Variants in TMCO6 observed in about 807,000 individuals in gnomAD.
TMCO6 encodes the protein transmembrane and coiled-coil domains 6, also known as transmembrane and coiled-coil domain-containing protein 6.
Under a neutral mutation model 61.8 loss-of-function variants are expected in TMCO6, and 47 were observed. The ratio of observed to expected loss-of-function variants is 0.76; its 90% CI spans 0.60 to 0.97. The LOEUF is 0.97. Ranked by LOEUF, TMCO6 falls within the 50% of genes least tolerant of loss-of-function variation. The probability of loss-of-function intolerance (pLI) is 0.00; values close to 1 mark genes in which losing one functional copy is unlikely to be tolerated. For synonymous variants in TMCO6, 261 were observed against 254.2 expected, an observed-to-expected ratio of 1.03 and a Z score of -0.25; for missense variants, 557 against 601.6, an observed-to-expected ratio of 0.93 and a Z score of 0.78.
chr5:140,633,691 G>C, the TMCO6 span: 3 of 153,742 alleles, frequency 2.0e-5, no homozygotes, highest in East Asian at 5.7e-4. Context: ...GGCACCAAGG[G>C]GGGTAGAATT....
At chr5:140,608,475 G>A in the TMCO6 span, among the ~76,000 whole-genome samples, 1 of 152,190 alleles carries the variant, frequency 6.6e-6, no homozygotes, top group African/African-American at 2.4e-5. Flanking sequence ...ATTTGGTAAT[G>A]CCTTTTGATG....
the TMCO6 span, among the ~76,000 whole-genome samples, chr5:140,610,761 T>G: frequency 1.3e-5 from 2 of 152,198 alleles, no homozygotes; most frequent in Non-Finnish European, 2.9e-5. Context: ...AGTACAATGT[T>G]GAATAGAGGT....
At chr5:140,600,244 C>G in the TMCO6 span, among the ~76,000 whole-genome samples, 1 of 152,182 alleles carries the variant, frequency 6.6e-6, no homozygotes, top group Non-Finnish European at 1.5e-5. Flanking sequence ...TGGGAATTCT[C>G]TGGTCCAAAG....
At chr5:140,616,199 C>T in the TMCO6 span, among the ~76,000 whole-genome samples, 1 of 137,348 alleles carries the variant, frequency 7.3e-6, no homozygotes, top group Non-Finnish European at 1.6e-5. Context: ...GCAATAATTT[C>T]TTGGATATGG....
downstream of TMCO6, among the ~76,000 whole-genome samples, chr5:140,646,005 CTCTCT>C (rs1413533890): frequency 4.2e-5 from 6 of 141,956 alleles, no homozygotes; most frequent in Admixed American, 1.5e-4. Context: ...AGCCCATTCT[CTCTCT>C]TTTTTTTTTT....
intron 1 of TMCO6, 34 bp from the exon 2 acceptor site, chr5:140,639,705 C>A: frequency 6.4e-7 from 1 of 1,561,564 alleles, no homozygotes; most frequent in Non-Finnish European, 8.7e-7. Context: ...TTGTGGTCGT[C>A]CTTCCCACGC....
At chr5:140,641,622 T>C in intron 2 of TMCO6, 43 bp from the exon 3 acceptor site, 1 of 1,573,904 alleles carries the variant, frequency 6.4e-7, no homozygotes, top group Non-Finnish European at 8.7e-7. Flanking sequence ...AGGACTTGCT[T>C]TCTGTGAACC....
chr5:140,647,677 A>G, downstream of TMCO6: 1 of 1,493,706 alleles, frequency 6.7e-7, no homozygotes, highest in Non-Finnish European at 9.1e-7. Flanking sequence ...CATAGGCTGC[A>G]TGAGGCAGGG....
At chr5:140,625,384 G>C in the TMCO6 span, among the ~76,000 whole-genome samples, 14 of 152,138 alleles carry the variant, frequency 9.2e-5, no homozygotes, top group Non-Finnish European at 2.1e-4. Flanking sequence ...CTATCTCTCT[G>C]ATATCATTGC....
chr5:140,639,646 G>T (rs1293930738), intron 1 of TMCO6, 34 bp downstream of exon 1: 2 of 1,540,336 alleles, frequency 1.3e-6, no homozygotes, highest in East Asian at 4.9e-5. Flanking sequence ...GGGGTATATG[G>T]CGGTCGGGGA....
the TMCO6 span, among the ~76,000 whole-genome samples, chr5:140,628,681 C>A: frequency 6.6e-6 from 1 of 152,174 alleles, no homozygotes; most frequent in African/African-American, 2.4e-5. Flanking sequence ...CTCCAGTGAG[C>A]CACCCACCTC....
chr5:140,597,352 A>G, the TMCO6 span, among the ~76,000 whole-genome samples: 1 of 151,590 alleles, frequency 6.6e-6, no homozygotes, highest in Non-Finnish European at 1.5e-5. Context: ...ATATAAGAGT[A>G]ATCAGTTCAT....
chr5:140,620,227 C>T, the TMCO6 span, among the ~76,000 whole-genome samples: 3 of 152,148 alleles, frequency 2.0e-5, no homozygotes, highest in East Asian at 5.8e-4. Context: ...CATCAAAAGA[C>T]ATGGAAAAAA....
intron 2 of TMCO6, 71 bp from the exon 3 acceptor site, chr5:140,641,594 G>A (rs1757033106): frequency 7.6e-7 from 1 of 1,323,006 alleles, no homozygotes; most frequent in African/African-American, 1.4e-5. Context: ...CACAGGTGAA[G>A]TGGGCAGAGA....
the TMCO6 span, among the ~76,000 whole-genome samples, chr5:140,630,077 C>T: frequency 6.6e-6 from 1 of 151,736 alleles, no homozygotes; most frequent in Admixed American, 6.6e-5. Context: ...GCAACCTCTG[C>T]CTCCCAGGTT....
chr5:140,639,387 T>A, upstream of TMCO6: 1 of 813,180 alleles, frequency 1.2e-6, no homozygotes, highest in Non-Finnish European at 1.9e-6. Flanking sequence ...AGCCCCGCCC[T>A]CACCCAGCAC....
chr5:140,611,459 C>G, the TMCO6 span, among the ~76,000 whole-genome samples: 1 of 152,192 alleles, frequency 6.6e-6, no homozygotes, highest in African/African-American at 2.4e-5. Flanking sequence ...TGTGCCTGAG[C>G]TGTCTTGTCT....
Position 140,642,679 on chromosome 5 carries a change from A to T in TMCO6, c.689+8A>T, listed in dbSNP as rs1165447912. The T allele has an allele frequency of 6.2e-7, 1 of 1,614,054 alleles. No individual in the cohort carries two copies. The highest frequency in any genetic ancestry group is 8.5e-7 in the Non-Finnish European group (1 of 1,179,984). On this transcript the variant is annotated splice_region_variant and intron_variant, in intron 6 of 11. Coordinates refer to ENST00000394671, the MANE Select transcript of TMCO6 (RefSeq NM_018502.5). ...TCCAGAGAAGATCATTCCGTGAGTA[A>T]AATTGTCTTTAGATGTGCAGCCAGA... is the stretch of plus-strand genomic sequence containing the variant.
the TMCO6 span, chr5:140,631,668 C>G: frequency 1.8e-6 from 1 of 560,354 alleles, no homozygotes; most frequent in Non-Finnish European, 3.1e-6. Context: ...AATTCCCCAT[C>G]CAGCACTGTG....
Sources: gnomAD v4.1 joint callset for allele counts (sites outside exome capture counted in the v4.1 genomes callset) on GRCh38, gnomAD v4.1.1 for gene constraint, MANE v1.5 for transcripts, NCBI Gene and HGNC (gene_info 2026-07-23, HGNC 2026-07-21) for gene names.